Variants in C2CD3 observed in about 807,000 individuals in gnomAD.
C2CD3 encodes C2 domain containing 3 centriole elongation regulator, also known as C2 domain-containing protein 3.
C2CD3 carries 148 observed loss-of-function variants against 234.0 expected under a neutral mutation model. That is an observed-to-expected ratio of 0.63 (90% CI 0.55 to 0.72). The LOEUF is 0.72. Ranked by LOEUF, C2CD3 falls within the 30% of genes least tolerant of loss-of-function variation. The pLI is 0.00. For missense variants in C2CD3, 2,577 were observed against 2,811.5 expected (o/e 0.92, Z 1.89); for synonymous variants, 1,000 against 1,035.4 (o/e 0.97, Z 0.66).
intron 27 of C2CD3, among the ~76,000 whole-genome samples, chr11:74,048,900 T>TAGAAAAA (rs1953526800): frequency 6.6e-6 from 1 of 152,222 alleles, no homozygotes; most frequent in Admixed American, 6.5e-5. Flanking sequence ...TTCTTTCTTT[T>TAGAAAAA]ACAGTTAAAC....
In C2CD3 at chr11:74,053,280, C is replaced by T. The variant is rs374842989; in HGVS notation, c.5155+1327G>A. Among the ~76,000 whole-genome samples the T allele has an allele frequency of 9.7e-4, 148 of 152,256 alleles. 1 individual carries two copies. In the South Asian group the frequency reaches 0.016, roughly 16 times the overall value. ...GTAAAGTTCTTAGCACATTATTGCTCGGTAATAAAAACAAGAAAAACTGAT... is the reference window on the plus strand; with the variant it reads ...GTAAAGTTCTTAGCACATTATTGCTTGGTAATAAAAACAAGAAAAACTGAT... On this transcript the variant is annotated intron_variant, in intron 26 of 32. Transcript: ENST00000334126.
intron 5 of C2CD3, among the ~76,000 whole-genome samples, chr11:74,134,997 C>T (rs1380281109): frequency 6.6e-6 from 1 of 152,060 alleles, no homozygotes; most frequent in Non-Finnish European, 1.5e-5. Context: ...AGTCCATAAA[C>T]ATCAAAACAT....
intron 24 of C2CD3, among the ~76,000 whole-genome samples, chr11:74,068,963 AATTTTTGT>A (rs1341593374): frequency 1.3e-5 from 2 of 151,832 alleles, no homozygotes; most frequent in Non-Finnish European, 2.9e-5. Flanking sequence ...GCGCTCAGCT[AATTTTTGT>A]ATTTTTAGTA....
chr11:74,021,896 C>A (rs184657546), intron 32 of C2CD3, among the ~76,000 whole-genome samples: 1 of 152,058 alleles, frequency 6.6e-6, no homozygotes, highest in Non-Finnish European at 1.5e-5. Context: ...GAAGCTGAGG[C>A]GGGCAGATCA....
rs573292669 is a variant in C2CD3, at chr11:74,032,590, G to C, written c.6809+761C>G. Reference sequence around the variant, plus strand: ...TCCTTTTTTAAAAAAATTTAATCTGGCCAGGCGTGGTGGCTCAAATGCTCT... The same window carrying C: ...TCCTTTTTTAAAAAAATTTAATCTGCCCAGGCGTGGTGGCTCAAATGCTCT... On this transcript the variant is annotated intron_variant, in intron 31 of 32. Transcript: ENST00000334126. Among the ~76,000 whole-genome samples the C allele has an allele frequency of 6.3e-4, 96 of 152,190 alleles. 2 individuals are homozygous for C. Among genetic ancestry groups the C allele is most frequent in the South Asian group, 2.3e-3 (11 of 4,818 alleles).
chr11:74,109,362 G>C, intron 11 of C2CD3: 1 of 485,606 alleles, frequency 2.1e-6, no homozygotes, highest in Non-Finnish European at 3.6e-6. Flanking sequence ...ACAGAAGACA[G>C]GCAGTGCTAT....
At chr11:74,050,689 C>A (rs1021089693) in intron 26 of C2CD3, among the ~76,000 whole-genome samples, 27 of 152,228 alleles carry the variant, frequency 1.8e-4, no homozygotes, top group Admixed American at 1.8e-3. Context: ...ACACTAAATT[C>A]ATCACATACT....
At position 74,095,288 on chromosome 11, in the gene C2CD3, A is replaced by G. The variant is rs1956064692; in HGVS notation, c.3100T>C (p.Tyr1034His). 6.2e-7 allele frequency: 1 copy of G among 1,613,824 alleles called. No homozygotes were observed. Among genetic ancestry groups the G allele is most frequent in the Non-Finnish European group, 8.5e-7 (1 of 1,179,794 alleles). The change falls in exon 17 of 33, where the codon TAC (tyrosine) becomes CAC (histidine). Residue 1034 changes from tyrosine (Y) to histidine (H), a missense_variant. Coordinates refer to ENST00000334126, the MANE Select transcript of C2CD3 (RefSeq NM_001286577.2). ...WGEADCYVQY[Y>H]FPVQHSQSSV... ...GATTGAGAGTGTTGAACTGGAAAGT[A>G]GTACTGGACATAACAATCTGCTTCT...
chr11:74,124,498 T>C (rs1481706148), intron 7 of C2CD3, among the ~76,000 whole-genome samples: 1 of 152,120 alleles, frequency 6.6e-6, no homozygotes, highest in Non-Finnish European at 1.5e-5. Context: ...CAGATGCCAG[T>C]AGCACGTTCC....
intron 3 of C2CD3, among the ~76,000 whole-genome samples, chr11:74,158,182 T>C (rs1214482424): frequency 2.0e-5 from 3 of 151,938 alleles, no homozygotes; most frequent in African/African-American, 7.3e-5. Flanking sequence ...AATAGACAAA[T>C]GGGAGTACAT....
intron 23 of C2CD3, among the ~76,000 whole-genome samples, chr11:74,076,402 T>C (rs1442844705): frequency 6.6e-6 from 1 of 152,188 alleles, no homozygotes; most frequent in African/African-American, 2.4e-5. Context: ...AACAACTAAC[T>C]GGACAGCAAT....
Position 74,139,715 on chromosome 11 carries a change from A to G in C2CD3, c.597T>C (p.Thr199=), listed in dbSNP as rs1311222334. The G allele has an allele frequency of 1.9e-6, 3 of 1,613,552 alleles. No individual in the cohort carries two copies. Among genetic ancestry groups the G allele is most frequent in the Non-Finnish European group, 2.5e-6 (3 of 1,179,578 alleles). Residue 199 remains threonine, a synonymous_variant, in exon 4 of 33, where the codon ACT becomes ACC. Coordinates refer to ENST00000334126, the MANE Select transcript of C2CD3 (RefSeq NM_001286577.2). Reference sequence around the variant, plus strand: ...CCTGAAACTGGGTACTGCTGGGTTCAGTATTCTCTCTGAATCCCTGCTTAG... The same window carrying G: ...CCTGAAACTGGGTACTGCTGGGTTCGGTATTCTCTCTGAATCCCTGCTTAG... ...LLSKQGFREN[T]EPSSTQFQVP... is the part of the protein sequence containing the mutation.
chr11:74,077,069 C>G (rs1050394422), intron 23 of C2CD3, among the ~76,000 whole-genome samples: 1 of 152,118 alleles, frequency 6.6e-6, no homozygotes, highest in Admixed American at 6.6e-5. Context: ...AAAAATGCCA[C>G]CTGCAAAATG....
chr11:74,046,062 C>A (rs1953358374), intron 28 of C2CD3, among the ~76,000 whole-genome samples: 1 of 152,110 alleles, frequency 6.6e-6, no homozygotes, highest in Non-Finnish European at 1.5e-5. Flanking sequence ...TGTTTAAGAA[C>A]CACTGCTTTA....
intron 8 of C2CD3, among the ~76,000 whole-genome samples, chr11:74,122,321 CAAACTGTGGTA>C (rs1261838004): frequency 6.6e-6 from 1 of 152,142 alleles, no homozygotes; most frequent in Non-Finnish European, 1.5e-5. Flanking sequence ...CTGCTTCTTC[CAAACTGTGGTA>C]GCCCTCACTG....
intron 26 of C2CD3, among the ~76,000 whole-genome samples, chr11:74,051,121 T>TA (rs1214355217): frequency 3.3e-5 from 5 of 150,092 alleles, no homozygotes; most frequent in African/African-American, 9.9e-5. Context: ...ACCCCATCTC[T>TA]AAAAAAAACA....
At chr11:74,048,483 T>C (rs905826238) in intron 27 of C2CD3, 145 bp from the exon 28 acceptor site, 29 of 737,546 alleles carry the variant, frequency 3.9e-5, no homozygotes, top group Non-Finnish European at 6.2e-5. Context: ...ACAATTTACA[T>C]ACATTTTCTC....
intron 3 of C2CD3, among the ~76,000 whole-genome samples, chr11:74,158,765 T>A: frequency 6.6e-6 from 1 of 151,892 alleles, no homozygotes; most frequent in East Asian, 1.9e-4. Context: ...TCAACATCAC[T>A]ATGATTATGG....
At chr11:74,150,378 C>A (rs1409410248) in intron 3 of C2CD3, among the ~76,000 whole-genome samples, 1 of 150,238 alleles carries the variant, frequency 6.7e-6, no homozygotes, top group African/African-American at 2.4e-5. Flanking sequence ...ATCCTAGCTA[C>A]TTGGGAGGCT....
Sources: allele counts gnomAD v4.1 joint callset (sites outside exome capture counted in the v4.1 genomes callset), GRCh38; gene constraint gnomAD v4.1.1; transcripts MANE v1.5; gene names NCBI Gene and HGNC (gene_info 2026-07-23, HGNC 2026-07-21).